Variants in DNAJC15 observed in about 807,000 individuals in gnomAD.
DNAJC15 encodes dnaJ homolog subfamily C member 15.
A neutral mutation model predicts 22.4 loss-of-function variants in DNAJC15; 27 were observed. The ratio of observed to expected loss-of-function variants is 1.20; its 90% CI spans 0.89 to 1.66. The LOEUF (loss-of-function observed/expected upper bound fraction) is 1.66, where lower values mean the gene tolerates loss of function less well. Ranked by LOEUF, DNAJC15 falls within the 40% of genes most tolerant of loss-of-function variation. The pLI is 0.00. For missense variants in DNAJC15, 208 were observed against 187.1 expected, an observed-to-expected ratio of 1.11 and a Z score of -0.65; for synonymous variants, 79 against 63.2, an observed-to-expected ratio of 1.25 and a Z score of -1.19.
chr13:43,055,241 T>TA (rs541648843), intron 1 of DNAJC15, among the ~76,000 whole-genome samples: 5,689 of 144,482 alleles, frequency 0.039, 358 homozygotes, highest in African/African-American at 0.14. Context: ...TGAGAGCTGA[T>TA]AAAAAAAAAA....
chr13:43,109,317 C>T lies in DNAJC15; in HGVS notation c.*2069C>T, dbSNP rs1253134991. The T allele has an allele frequency of 6.6e-6, 1 of 152,176 alleles. No individual in the cohort carries two copies. The highest frequency in any genetic ancestry group is 1.5e-5 in the Non-Finnish European group (1 of 68,022). The allele number at this position is 152,176 out of a possible 1,614,324, so 9.4% of individuals were successfully genotyped here. A position where few individuals can be genotyped will look rare whatever the true frequency, so the allele number is the denominator to read the frequency against. On this transcript the variant is annotated 3_prime_UTR_variant, in exon 6 of 6. Transcript: ENST00000379221. ...TTAGAGCAAGGATCTTGCCATTCAT[C>T]TTTGTAACCTCTTTACTCTGGAGCA...
intron 1 of DNAJC15, among the ~76,000 whole-genome samples, chr13:43,047,140 G>A (rs769483326): frequency 2.6e-5 from 4 of 152,096 alleles, no homozygotes; most frequent in Admixed American, 6.5e-5. Flanking sequence ...CCAAAGACCC[G>A]CCCGTAACAG....
chr13:43,092,083 A>G lies in DNAJC15; in HGVS notation c.382+6245A>G, dbSNP rs59428068. On this transcript the variant is annotated intron_variant, in intron 5 of 5. Transcript: ENST00000379221. ...TCTGCCTACTCCATTATCTGTTAAG[A>G]TAGGGGTAAAACCTCCTACAGTGAT... 1.4e-3 allele frequency among the ~76,000 whole-genome samples: 213 copies of G among 152,320 alleles called. 1 individual carries two copies. The highest frequency in any genetic ancestry group is 4.9e-3 in the African/African-American group (203 of 41,566).
At chr13:43,097,661 G>A (rs534660691) in intron 5 of DNAJC15, among the ~76,000 whole-genome samples, 5 of 152,268 alleles carry the variant, frequency 3.3e-5, no homozygotes, top group South Asian at 2.1e-4. Flanking sequence ...GTCTAGGCCC[G>A]GTACGGTGGC....
intron 1 of DNAJC15, among the ~76,000 whole-genome samples, chr13:43,042,809 A>G (rs2040459950): frequency 6.6e-6 from 1 of 152,242 alleles, no homozygotes; most frequent in Non-Finnish European, 1.5e-5. Context: ...TAGATTATCA[A>G]AGATAAACTC....
chr13:43,033,056 A>T lies in DNAJC15; in HGVS notation c.108+9322A>T, dbSNP rs905259973. On this transcript the variant is annotated intron_variant, in intron 1 of 5. Transcript: ENST00000379221. Reference sequence around the variant, plus strand: ...GTGCTGCATACCCCCAGAAAACCAGATCTTGCAAGAACTCACTATCACAGG... The same window carrying T: ...GTGCTGCATACCCCCAGAAAACCAGTTCTTGCAAGAACTCACTATCACAGG... 2.4e-4 allele frequency among the ~76,000 whole-genome samples: 36 copies of T among 152,122 alleles called. 1 individual carries two copies. Among genetic ancestry groups the T allele is most frequent in the African/African-American group, 1.4e-4 (6 of 41,406 alleles).
intron 4 of DNAJC15, among the ~76,000 whole-genome samples, chr13:43,079,609 A>G (rs915483526): frequency 3.3e-5 from 5 of 152,168 alleles, no homozygotes; most frequent in Non-Finnish European, 5.9e-5. Context: ...TATACTGCCA[A>G]CTATTTCTTG....
In DNAJC15 at chr13:43,084,169, TGA is replaced by T. The variant is rs566700837; in HGVS notation, c.312-1595_312-1594del. Among the ~76,000 whole-genome samples the T allele has an allele frequency of 2.6e-4, 40 of 152,284 alleles. 1 individual carries two copies. In the East Asian group the frequency reaches 7.3e-3, roughly 28 times the overall value. On this transcript the variant is annotated intron_variant, in intron 4 of 5. Coordinates refer to ENST00000379221, the MANE Select transcript of DNAJC15 (RefSeq NM_013238.3). Reference sequence around the variant, plus strand: ...AGGACAAGCAAACATCTGCAGACCTTGAGAGTTTAATTGGTAATAATGACAAT... The same window carrying T: ...AGGACAAGCAAACATCTGCAGACCTTGAGTTTAATTGGTAATAATGACAAT...
chr13:43,043,341 T>G (rs2040462336), intron 1 of DNAJC15, among the ~76,000 whole-genome samples: 1 of 152,108 alleles, frequency 6.6e-6, no homozygotes, highest in Non-Finnish European at 1.5e-5. Context: ...CTCCTGACTC[T>G]CAGTTGATCT....
chr13:43,091,337 C>T lies in DNAJC15; in HGVS notation c.382+5499C>T, dbSNP rs529190077. Reference sequence around the variant, plus strand: ...TCCTGACGTCAGGTGTTCTGCCTGCCTTGGCCTCCCAAAGTGCTGGGATTA... The same window carrying T: ...TCCTGACGTCAGGTGTTCTGCCTGCTTTGGCCTCCCAAAGTGCTGGGATTA... On this transcript the variant is annotated intron_variant, in intron 5 of 5. Coordinates refer to ENST00000379221, the MANE Select transcript of DNAJC15 (RefSeq NM_013238.3). Among the ~76,000 whole-genome samples the T allele has an allele frequency of 3.2e-4, 49 of 152,344 alleles. No homozygotes were observed. The South Asian group carries it at 9.7e-3, about 30-fold the overall frequency.
At chr13:43,037,831 C>T (rs1169479095) in intron 1 of DNAJC15, among the ~76,000 whole-genome samples, 1 of 152,170 alleles carries the variant, frequency 6.6e-6, no homozygotes, top group Non-Finnish European at 1.5e-5. Context: ...GTAACTTGGG[C>T]AGGTCATGGA....
At chr13:43,033,261 T>TA (rs1252979208) in intron 1 of DNAJC15, among the ~76,000 whole-genome samples, 2 of 152,282 alleles carry the variant, frequency 1.3e-5, no homozygotes, top group Non-Finnish European at 2.9e-5. Flanking sequence ...ACAGAAAACT[T>TA]AAAAAATTAG....
chr13:43,093,305 T>C (rs981519769), intron 5 of DNAJC15, among the ~76,000 whole-genome samples: 2 of 152,054 alleles, frequency 1.3e-5, no homozygotes, highest in African/African-American at 4.8e-5. Flanking sequence ...GCAACAGTTT[T>C]CAAACTTTTT....
intron 1 of DNAJC15, among the ~76,000 whole-genome samples, chr13:43,048,940 C>A (rs2040490443): frequency 6.6e-6 from 1 of 151,860 alleles, no homozygotes. Context: ...CTAAAACTTG[C>A]CCAAGGCAGC....
At chr13:43,061,066 T>A (rs2153440662) in intron 1 of DNAJC15, among the ~76,000 whole-genome samples, 1 of 152,286 alleles carries the variant, frequency 6.6e-6, no homozygotes, top group South Asian at 2.1e-4. Flanking sequence ...AGTGATTTCC[T>A]TGAGGATAGA....
intron 3 of DNAJC15, among the ~76,000 whole-genome samples, chr13:43,074,344 C>A (rs1286742607): frequency 2.6e-5 from 4 of 152,212 alleles, no homozygotes; most frequent in African/African-American, 9.6e-5. Flanking sequence ...ATTTTGATTT[C>A]TGTCATTTAT....
intron 5 of DNAJC15, among the ~76,000 whole-genome samples, chr13:43,097,937 C>CA (rs1190218316): frequency 4.6e-5 from 7 of 151,736 alleles, no homozygotes; most frequent in Admixed American, 3.9e-4. Context: ...AACTCCATCT[C>CA]AAAAAAAGAA....
chr13:43,065,978 T>C (rs2040581656), intron 2 of DNAJC15, among the ~76,000 whole-genome samples: 2 of 152,208 alleles, frequency 1.3e-5, no homozygotes, highest in Admixed American at 6.5e-5. Flanking sequence ...AATAGTTTAT[T>C]CCTGGCATTT....
At chr13:43,032,742 TTGAACCCGGGAGGTGGAGGCTACAG>T (rs1450694491) in intron 1 of DNAJC15, among the ~76,000 whole-genome samples, 19 of 152,122 alleles carry the variant, frequency 1.2e-4, no homozygotes, top group Non-Finnish European at 2.6e-4. Context: ...GGAGAATACC[TTGAACCCGGGAGGTGGAGGCTACAG>T]TGAACCCAGA....
Sources: allele counts gnomAD v4.1 joint callset (sites outside exome capture counted in the v4.1 genomes callset), GRCh38; gene constraint gnomAD v4.1.1; transcripts MANE v1.5; gene names NCBI Gene and HGNC (gene_info 2026-07-23, HGNC 2026-07-21).